The following ZNF616 variants were observed in gnomAD, a reference collection of about 807,000 sequenced individuals.
ZNF616 encodes zinc finger protein 616.
In ZNF616, 5 loss-of-function variants were observed where a neutral mutation model predicts 7.6. The ratio of observed to expected loss-of-function variants is 0.66; its 90% CI spans 0.34 to 1.38. The LOEUF (loss-of-function observed/expected upper bound fraction) is 1.38, where lower values mean the gene tolerates loss of function less well. Ranked by LOEUF, ZNF616 falls within the 40% of genes most tolerant of loss-of-function variation. The probability of loss-of-function intolerance (pLI) is 0.04; values close to 1 mark genes in which losing one functional copy is unlikely to be tolerated. For missense variants in ZNF616, 913 were observed against 948.3 expected (o/e 0.96, Z 0.49); for synonymous variants, 319 against 317.2 (o/e 1.01, Z -0.06).
intron 1 of ZNF616, among the ~76,000 whole-genome samples, chr19:52,132,564 TCA>T (rs2088969579): frequency 1.3e-5 from 2 of 152,122 alleles, no homozygotes; most frequent in South Asian, 2.1e-4. Context: ...CTGTTCTTTA[TCA>T]CAGTGAGTTC....
Position 52,114,823 on chromosome 19 carries a change from G to C in ZNF616, c.2341C>G (p.Pro781Ala). Reference sequence around the variant, plus strand: ...TCCAGAAACTAGGACAACGTCTAAGGCCTTGTCACATTGAGTTTAGTTGTA... The same window carrying C: ...TCCAGAAACTAGGACAACGTCTAAGCCCTTGTCACATTGAGTTTAGTTGTA... Reference protein sequence around the residue: ...SLTTKLNVTRP With the variant: ...SLTTKLNVTRA The change falls in exon 4 of 4, where the codon CCT (proline) becomes GCT (alanine). Residue 781 changes from proline (P) to alanine (A), a missense_variant. Coordinates refer to ENST00000600228, the MANE Select transcript of ZNF616 (RefSeq NM_178523.5). 1 of 1,574,972 alleles carries C rather than the reference G, an allele frequency of 6.3e-7. No homozygotes were observed. The highest frequency in any genetic ancestry group is 8.6e-7 in the Non-Finnish European group (1 of 1,162,732).
At chr19:52,137,266 AC>A (rs2089019704) in intron 1 of ZNF616, among the ~76,000 whole-genome samples, 1 of 151,308 alleles carries the variant, frequency 6.6e-6, no homozygotes, top group Non-Finnish European at 1.5e-5. Flanking sequence ...AAAAAAAAAT[AC>A]AAAAAATTAG....
At chr19:52,119,442 G>A (rs2088850112) in intron 3 of ZNF616, among the ~76,000 whole-genome samples, 1 of 152,064 alleles carries the variant, frequency 6.6e-6, no homozygotes, top group African/African-American at 2.4e-5. Flanking sequence ...CCCTTACAGA[G>A]TGAGAGTAGT....
chr19:52,114,942 C>G lies in ZNF616; in HGVS notation c.2222G>C (p.Gly741Ala). The G allele has an allele frequency of 6.2e-7, 1 of 1,614,048 alleles. No individual in the cohort carries two copies. Among genetic ancestry groups the G allele is most frequent in the Non-Finnish European group, 8.5e-7 (1 of 1,179,990 alleles). ...SLSKHQRIHS[G>A]KKPYKCNECG... ...CTCATTACATTTATAAGGTTTTTTGCCAGAATGAATTCTTTGGTGTTTGCT... is the reference window on the plus strand; with the variant it reads ...CTCATTACATTTATAAGGTTTTTTGGCAGAATGAATTCTTTGGTGTTTGCT... Residue 741 changes from glycine to alanine, a missense_variant, in exon 4 of 4, where the codon GGC (glycine) becomes GCC (alanine). Physicochemically the swap from Gly to Ala is moderately conservative, Grantham distance 60. Coordinates refer to ENST00000600228, the MANE Select transcript of ZNF616 (RefSeq NM_178523.5).
chr19:52,124,588 C>A (rs946696233), intron 2 of ZNF616, among the ~76,000 whole-genome samples: 10 of 152,196 alleles, frequency 6.6e-5, no homozygotes, highest in African/African-American at 2.4e-4. Context: ...CGCTAACAAA[C>A]TTGCCTAGGT....
chr19:52,127,312 C>A (rs139934960), intron 2 of ZNF616, among the ~76,000 whole-genome samples: 8,995 of 152,224 alleles, frequency 0.059, 535 homozygotes, highest in South Asian at 0.27. Context: ...ACCTTGGCCT[C>A]CCAAAGTGCC....
At chr19:52,120,444 G>A (rs954734100) in intron 3 of ZNF616, among the ~76,000 whole-genome samples, 1 of 152,154 alleles carries the variant, frequency 6.6e-6, no homozygotes, top group Non-Finnish European at 1.5e-5. Context: ...CAGCAAAACA[G>A]CAAGAGTGAG....
intron 1 of ZNF616, among the ~76,000 whole-genome samples, chr19:52,135,741 T>C (rs1433975256): frequency 6.6e-6 from 1 of 152,160 alleles, no homozygotes; most frequent in Non-Finnish European, 1.5e-5. Context: ...GAAGAATATT[T>C]TGGAGATTTG....
chr19:52,126,090 A>AT (rs1353673921), intron 2 of ZNF616, among the ~76,000 whole-genome samples: 4 of 152,182 alleles, frequency 2.6e-5, no homozygotes, highest in Non-Finnish European at 4.4e-5. Context: ...CAGGCAGCTG[A>AT]TTTTTTCAAA....
At chr19:52,118,919 G>A (rs1414586701) in intron 3 of ZNF616, among the ~76,000 whole-genome samples, 2 of 152,146 alleles carry the variant, frequency 1.3e-5, no homozygotes, top group Admixed American at 6.5e-5. Flanking sequence ...AGTAAGATAT[G>A]CACCTACGTT....
At chr19:52,130,367 A>G (rs998554624) in intron 2 of ZNF616, 134 bp downstream of exon 2, 1 of 891,892 alleles carries the variant, frequency 1.1e-6, no homozygotes, top group Non-Finnish European at 1.9e-6. Flanking sequence ...ATGGATGAGC[A>G]TGAGCAAATG....
chr19:52,118,362 GAAAC>G (rs2088842353), intron 3 of ZNF616, among the ~76,000 whole-genome samples: 1 of 152,158 alleles, frequency 6.6e-6, no homozygotes, highest in Admixed American at 6.5e-5. Flanking sequence ...CTGTTTGGAA[GAAAC>G]TACAAAATGA....
Position 52,115,316 on chromosome 19 carries a change from C to T in ZNF616, c.1848G>A (p.Gln616=). Reference sequence around the variant, plus strand: ...TCTGATGTCTATTGAGTGTGGAGCCCTGATTAAAGGCTTTGCCACATTCAT... The same window carrying T: ...TCTGATGTCTATTGAGTGTGGAGCCTTGATTAAAGGCTTTGCCACATTCAT... ...KCHECGKAFN[Q]GSTLNRHQRI... The change falls in exon 4 of 4, where the codon CAG becomes CAA. Residue 616 remains glutamine, a synonymous_variant. Coordinates refer to ENST00000600228, the MANE Select transcript of ZNF616 (RefSeq NM_178523.5). 2 of 1,613,926 alleles carry T rather than the reference C, an allele frequency of 1.2e-6. No individual in the cohort carries two copies. The highest frequency in any genetic ancestry group is 1.7e-6 in the Non-Finnish European group (2 of 1,179,976).
rs754043463 is a variant in ZNF616 at position 52,115,961 on chromosome 19, T to A, written c.1203A>T (p.Arg401=). The change falls in exon 4 of 4, where the codon CGA becomes CGT. Residue 401 remains arginine, a synonymous_variant. Coordinates refer to ENST00000600228, the MANE Select transcript of ZNF616 (RefSeq NM_178523.5). ...TGCAAGGTTTCTCTACAGTGTGAATTCGTCGATGCACTGCAAGACTTGAAC... is the reference window on the plus strand; with the variant it reads ...TGCAAGGTTTCTCTACAGTGTGAATACGTCGATGCACTGCAAGACTTGAAC... ...SKRSSLAVHR[R]IHTVEKPCKC... 1 of 1,614,142 alleles carries A rather than the reference T, an allele frequency of 6.2e-7. No individual in the cohort carries two copies. The highest frequency in any genetic ancestry group is 8.5e-7 in the Non-Finnish European group (1 of 1,180,016).
chr19:52,137,573 C>G (rs1421516767), intron 1 of ZNF616, among the ~76,000 whole-genome samples: 2 of 151,998 alleles, frequency 1.3e-5, no homozygotes, highest in African/African-American at 4.8e-5. Context: ...TAAAAAAGTC[C>G]AATTCATAGT....
intron 1 of ZNF616, among the ~76,000 whole-genome samples, chr19:52,134,582 TCTAACTC>T (rs1320089299): frequency 6.6e-6 from 1 of 152,156 alleles, no homozygotes; most frequent in African/African-American, 2.4e-5. Flanking sequence ...GGGAGATGAC[TCTAACTC>T]CAGGTAGACA....
rs2088791508 is a variant in ZNF616, at chr19:52,113,836, C to A, written c.*982G>T. On this transcript the variant is annotated 3_prime_UTR_variant, in exon 4 of 4. Transcript: ENST00000600228. Reference sequence around the variant, plus strand: ...CATAGTATCCCATGGTGTATATGTACCACATTTTCTTTATTCAGTCTATCA... The same window carrying A: ...CATAGTATCCCATGGTGTATATGTAACACATTTTCTTTATTCAGTCTATCA... 6.7e-6 allele frequency: 1 copy of A among 149,632 alleles called. No individual in the cohort carries two copies. 9.3% of individuals were successfully genotyped at this position (149,632 alleles called of 1,614,324 possible). A position where few individuals can be genotyped will look rare whatever the true frequency, so the allele number is the denominator to read the frequency against.
chr19:52,128,386 GTAGT>G (rs2088928120), intron 2 of ZNF616, among the ~76,000 whole-genome samples: 1 of 151,980 alleles, frequency 6.6e-6, no homozygotes, highest in South Asian at 2.1e-4. Flanking sequence ...TTCATATTCT[GTAGT>G]TAAATTTTTA....
At chr19:52,126,254 A>C (rs2088906447) in intron 2 of ZNF616, among the ~76,000 whole-genome samples, 1 of 152,222 alleles carries the variant, frequency 6.6e-6, no homozygotes, top group Non-Finnish European at 1.5e-5. Flanking sequence ...TGGGCCGGGC[A>C]TGATTGCTCA....
Sources: allele counts gnomAD v4.1 joint callset (sites outside exome capture counted in the v4.1 genomes callset), GRCh38; gene constraint gnomAD v4.1.1; transcripts MANE v1.5; gene names NCBI Gene and HGNC (gene_info 2026-07-23, HGNC 2026-07-21).